FCHSD2: variants seen among roughly 807,000 people sequenced by gnomAD.
FCHSD2 encodes F-BAR and double SH3 domains protein 2.
A neutral mutation model predicts 108.1 loss-of-function variants in FCHSD2; 38 were observed. That is an observed-to-expected ratio of 0.35 (90% CI 0.27 to 0.46). The LOEUF (loss-of-function observed/expected upper bound fraction) is 0.46. Among genes scored for constraint, FCHSD2 ranks in the 20% least tolerant of loss-of-function variants. FCHSD2 has a pLI of 1.00. For synonymous variants in FCHSD2, 279 were observed against 314.7 expected (o/e 0.89, Z 1.20); for missense variants, 751 against 897.8 (o/e 0.84, Z 2.09).
At chr11:72,862,010 A>T (rs1861588763) in intron 13 of FCHSD2, among the ~76,000 whole-genome samples, 1 of 152,156 alleles carries the variant, frequency 6.6e-6, no homozygotes, top group African/African-American at 2.4e-5. Flanking sequence ...TAATATCTGA[A>T]TAATCATCAA....
chr11:72,840,226 G>A (rs1288718496), intron 19 of FCHSD2, among the ~76,000 whole-genome samples: 1 of 152,082 alleles, frequency 6.6e-6, no homozygotes, highest in Non-Finnish European at 1.5e-5. Context: ...GTCTCATTTG[G>A]GATAAAGACT....
chr11:73,099,671 A>T (rs1860171231), intron 2 of FCHSD2, among the ~76,000 whole-genome samples: 1 of 152,244 alleles, frequency 6.6e-6, no homozygotes, highest in South Asian at 2.1e-4. Context: ...GTCAGGCGTT[A>T]GGCTTAGCGG....
At chr11:72,928,688 G>A (rs1383677590) in intron 8 of FCHSD2, among the ~76,000 whole-genome samples, 1 of 152,128 alleles carries the variant, frequency 6.6e-6, no homozygotes, top group East Asian at 1.9e-4. Flanking sequence ...TAGGTGAGAG[G>A]AGGCCCAAGT....
intron 3 of FCHSD2, among the ~76,000 whole-genome samples, chr11:73,047,289 T>C (rs796327616): frequency 1.4e-4 from 22 of 152,102 alleles, no homozygotes; most frequent in African/African-American, 5.1e-4. Flanking sequence ...TGTCAAAATA[T>C]CTGGTAGAAG....
chr11:72,971,845 G>A (rs1038479701), intron 8 of FCHSD2, among the ~76,000 whole-genome samples: 10 of 152,134 alleles, frequency 6.6e-5, no homozygotes, highest in Non-Finnish European at 1.2e-4. Flanking sequence ...AGTTTAAAAC[G>A]TCTAAGTTTG....
At chr11:73,051,885 ACACACACACAC>A (rs1463801209) in intron 3 of FCHSD2, among the ~76,000 whole-genome samples, 1 of 145,292 alleles carries the variant, frequency 6.9e-6, no homozygotes, top group East Asian at 2.0e-4. Context: ...ACACACACAC[ACACACACACAC>A]ACACACACAC....
chr11:72,872,226 T>G lies in FCHSD2; in HGVS notation c.1147-4200A>C, dbSNP rs188692282. The stretch of plus-strand genomic sequence containing the variant: ...TCATAATTTCTTTTTTTGGTAAAAC[T>G]TTATTGACATATAGCTCAGGTGACA... On this transcript the variant is annotated intron_variant, in intron 12 of 19. Coordinates refer to ENST00000409418, the MANE Select transcript of FCHSD2 (RefSeq NM_014824.3). Among the ~76,000 whole-genome samples the G allele has an allele frequency of 2.8e-4, 42 of 151,936 alleles. No individual in the cohort carries two copies. The East Asian group carries it at 6.4e-3, about 23-fold the overall frequency.
intron 3 of FCHSD2, among the ~76,000 whole-genome samples, chr11:73,078,334 C>T (rs2135508334): frequency 6.6e-6 from 1 of 152,120 alleles, no homozygotes; most frequent in Admixed American, 6.5e-5. Context: ...CAGTTCTACC[C>T]CCAGACATAT....
At chr11:73,010,866 G>A (rs1468831281) in intron 4 of FCHSD2, among the ~76,000 whole-genome samples, 1 of 152,204 alleles carries the variant, frequency 6.6e-6, no homozygotes, top group Non-Finnish European at 1.5e-5. Context: ...CAGTGAGCTG[G>A]GTGGGTGGGC....
chr11:72,929,298 C>T (rs368995456), intron 8 of FCHSD2, among the ~76,000 whole-genome samples: 4 of 152,126 alleles, frequency 2.6e-5, no homozygotes, highest in African/African-American at 9.7e-5. Context: ...GAATAGAAGC[C>T]ACTTTCAATG....
chr11:73,019,373 C>T (rs1021380865), intron 3 of FCHSD2, among the ~76,000 whole-genome samples: 1 of 152,092 alleles, frequency 6.6e-6, no homozygotes, highest in African/African-American at 2.4e-5. Context: ...TCATACAGTT[C>T]GTAACTAGTT....
At chr11:72,880,777 G>T (rs1397879267) in intron 12 of FCHSD2, among the ~76,000 whole-genome samples, 1 of 151,396 alleles carries the variant, frequency 6.6e-6, no homozygotes, top group Non-Finnish European at 1.5e-5. Flanking sequence ...TCAGGTGGGA[G>T]GATCACCTGA....
At chr11:72,842,219 C>T (rs975169089) in intron 17 of FCHSD2, among the ~76,000 whole-genome samples, 2 of 152,096 alleles carry the variant, frequency 1.3e-5, no homozygotes, top group African/African-American at 4.8e-5. Context: ...ACTGGCAGGA[C>T]CTGGACTAGG....
rs1190277188 is a variant in FCHSD2 at position 72,978,854 on chromosome 11, C to CTTTTTT, written c.705+5228_705+5233dup. Among the ~76,000 whole-genome samples, 108 of 110,846 alleles carry CTTTTTT rather than the reference C, an allele frequency of 9.7e-4. 1 individual carries two copies. Among genetic ancestry groups the CTTTTTT allele is most frequent in the Non-Finnish European group, 1.4e-3 (80 of 56,722 alleles). The allele number at this position is 110,846 out of a possible 152,430, so 72.7% of individuals were successfully genotyped here. The stretch of plus-strand genomic sequence containing the variant: ...ATTACCCAGTCTCAGGTAGCTCTTT[C>CTTTTTT]TTTTTTTTTTTTTTTTTTTTGAGAT... On this transcript the variant is annotated intron_variant, in intron 8 of 19. Transcript: ENST00000409418.
At chr11:73,124,482 G>T (rs375791768) in intron 2 of FCHSD2, among the ~76,000 whole-genome samples, 137 of 152,228 alleles carry the variant, frequency 9.0e-4, no homozygotes, top group African/African-American at 3.3e-3. Flanking sequence ...TGGGCCAGGC[G>T]CAGTGGCTCA....
At chr11:73,105,524 T>G (rs1004230135) in intron 2 of FCHSD2, among the ~76,000 whole-genome samples, 10 of 152,216 alleles carry the variant, frequency 6.6e-5, no homozygotes, top group Admixed American at 6.5e-4. Flanking sequence ...TCTAAATCTT[T>G]CTAATCCTAA....
intron 3 of FCHSD2, among the ~76,000 whole-genome samples, chr11:73,021,041 T>G (rs892142472): frequency 6.6e-6 from 1 of 151,916 alleles, no homozygotes; most frequent in Non-Finnish European, 1.5e-5. Flanking sequence ...TGCGACCAGC[T>G]AAGTTTTAAA....
intron 4 of FCHSD2, among the ~76,000 whole-genome samples, chr11:73,013,901 C>T (rs1857913652): frequency 6.6e-6 from 1 of 152,134 alleles, no homozygotes; most frequent in Non-Finnish European, 1.5e-5. Flanking sequence ...GCATGAGCCA[C>T]CATGCCCAGC....
chr11:72,930,863 C>T (rs1856175431), intron 8 of FCHSD2, among the ~76,000 whole-genome samples: 1 of 151,984 alleles, frequency 6.6e-6, no homozygotes, highest in Admixed American at 6.6e-5. Flanking sequence ...TAGAATAAGA[C>T]CTACTATTTG....
Sources: allele counts gnomAD v4.1 joint callset (sites outside exome capture counted in the v4.1 genomes callset), GRCh38; gene constraint gnomAD v4.1.1; transcripts MANE v1.5; gene names NCBI Gene and HGNC (gene_info 2026-07-23, HGNC 2026-07-21).